The following C3orf33 variants were observed in gnomAD, a reference collection of about 807,000 sequenced individuals.
C3orf33 encodes the protein AP-1 activity suppressor.
C3orf33 carries 23 observed loss-of-function variants against 28.7 expected under a neutral mutation model. The observed-to-expected ratio is 0.80, with a 90% CI of 0.58 to 1.13. The LOEUF (loss-of-function observed/expected upper bound fraction) is 1.13, where lower values mean the gene tolerates loss of function less well. C3orf33 is among the 50% of genes most tolerant of loss of function. C3orf33 has a pLI of 0.00. For synonymous variants in C3orf33, 119 were observed against 120.5 expected (o/e 0.99, Z 0.08); for missense variants, 327 against 353.4 (o/e 0.93, Z 0.60).
Position 155,782,126 on chromosome 3 carries a change from C to T in C3orf33, c.175-6278G>A, listed in dbSNP as rs145576903. Among the ~76,000 whole-genome samples, 1,273 of 149,906 alleles carry T rather than the reference C, an allele frequency of 8.5e-3. 7 individuals are homozygous for T. Among genetic ancestry groups the T allele is most frequent in the Admixed American group, 0.013 (189 of 15,036 alleles). On this transcript the variant is annotated intron_variant, in intron 2 of 4. Coordinates refer to ENST00000340171, the MANE Select transcript of C3orf33 (RefSeq NM_001308229.2). ...CTCAGCAGGCTGAGCCGAGATCATGCCAATGCACTCCAGCCTGGGCGACAA... is the reference window on the plus strand; with the variant it reads ...CTCAGCAGGCTGAGCCGAGATCATGTCAATGCACTCCAGCCTGGGCGACAA...
chr3:155,774,862 C>T (rs1750693473), intron 3 of C3orf33, among the ~76,000 whole-genome samples: 1 of 151,972 alleles, frequency 6.6e-6, no homozygotes, highest in Non-Finnish European at 1.5e-5. Context: ...TCTTTCTCAC[C>T]TATCCTCTTT....
rs1553771429 is a variant in C3orf33, at chr3:155,783,157, A to AC, written c.175-7310_175-7309insG. ...ATAAGGGATACTCAACCCATTCTAC[A>AC]TTTTTTTTTTTTTTTGAGATGGAGT... On this transcript the variant is annotated intron_variant, in intron 2 of 4. Transcript: ENST00000340171. 1.4e-3 allele frequency among the ~76,000 whole-genome samples: 195 copies of AC among 142,466 alleles called. 1 individual carries two copies. Among genetic ancestry groups the AC allele is most frequent in the African/African-American group, 4.9e-3 (189 of 38,822 alleles). 93.5% of individuals were successfully genotyped at this position (142,466 alleles called of 152,430 possible). A position where few individuals can be genotyped will look rare whatever the true frequency, so the allele number is the denominator to read the frequency against.
At position 155,775,764 on chromosome 3, in the gene C3orf33, T is replaced by C; in HGVS notation, c.259A>G (p.Thr87Ala). The C allele has an allele frequency of 6.3e-7, 1 of 1,593,012 alleles. No homozygotes were observed. Among genetic ancestry groups the C allele is most frequent in the Non-Finnish European group, 8.6e-7 (1 of 1,162,206 alleles). Residue 87 changes from threonine to alanine, a missense_variant, in exon 3 of 5, where the codon ACT becomes GCT. Coordinates refer to ENST00000340171, the MANE Select transcript of C3orf33 (RefSeq NM_001308229.2). ...VKLRGRLRRI[T>A]ENGLEIEHIP... ...TGTTCAATTTCTAAACCATTCTCAG[T>C]TATTCGGCGTAATCGTCCACGTAGT...
intron 3 of C3orf33, among the ~76,000 whole-genome samples, chr3:155,769,527 T>C (rs1251925610): frequency 1.3e-5 from 2 of 151,578 alleles, no homozygotes; most frequent in African/African-American, 2.4e-5. Context: ...AAGGTATTTG[T>C]AGAATGATCA....
chr3:155,799,870 T>G (rs1751590002), intron 2 of C3orf33, among the ~76,000 whole-genome samples: 1 of 151,994 alleles, frequency 6.6e-6, no homozygotes, highest in Non-Finnish European at 1.5e-5. Context: ...AATTTAAAAA[T>G]TGAATTCATG....
chr3:155,804,477 T>A (rs752657604), intron 1 of C3orf33, among the ~76,000 whole-genome samples: 5 of 152,200 alleles, frequency 3.3e-5, no homozygotes, highest in Non-Finnish European at 7.3e-5. Flanking sequence ...CAATGATGAG[T>A]GAAAACAGGC....
At chr3:155,797,416 T>C (rs1751506439) in intron 2 of C3orf33, among the ~76,000 whole-genome samples, 1 of 152,066 alleles carries the variant, frequency 6.6e-6, no homozygotes, top group Admixed American at 6.5e-5. Context: ...ATGCCCACTT[T>C]CACCACTGTT....
rs1293732791 is a variant in C3orf33 at position 155,763,457 on chromosome 3, G to T, written c.*60C>A. 1 of 1,257,360 alleles carries T rather than the reference G, an allele frequency of 8.0e-7. No individual in the cohort carries two copies. The highest frequency in any genetic ancestry group is 1.0e-6 in the Non-Finnish European group (1 of 962,238). The allele number at this position is 1,257,360 out of a possible 1,614,324, so 77.9% of individuals were successfully genotyped here. A position where few individuals can be genotyped will look rare whatever the true frequency, so the allele number is the denominator to read the frequency against. On this transcript the variant is annotated 3_prime_UTR_variant, in exon 5 of 5. Coordinates refer to ENST00000340171, the MANE Select transcript of C3orf33 (RefSeq NM_001308229.2). ...CTTCCATTTTGATTCAATGAAAAAC[G>T]TCCATATATTTACATATTTCACTCT...
chr3:155,768,152 T>C (rs1290722999), intron 3 of C3orf33, among the ~76,000 whole-genome samples: 1 of 152,192 alleles, frequency 6.6e-6, no homozygotes, highest in Non-Finnish European at 1.5e-5. Context: ...AGTGCTGGGA[T>C]TACAGGCGTG....
intron 4 of C3orf33, among the ~76,000 whole-genome samples, chr3:155,766,092 G>A (rs573818411): frequency 2.6e-5 from 4 of 152,208 alleles, no homozygotes; most frequent in South Asian, 2.1e-4. Flanking sequence ...ACATTGGTGC[G>A]ATCATAGCTC....
intron 2 of C3orf33, among the ~76,000 whole-genome samples, chr3:155,788,157 C>G (rs1377738701): frequency 1.3e-5 from 2 of 150,628 alleles, no homozygotes; most frequent in Non-Finnish European, 3.0e-5. Flanking sequence ...TGCCACTGCA[C>G]TCCAGCCTGG....
At chr3:155,790,140 GGTGACAGAGT>G (rs2109272119) in intron 2 of C3orf33, among the ~76,000 whole-genome samples, 1 of 130,292 alleles carries the variant, frequency 7.7e-6, no homozygotes, top group African/African-American at 2.9e-5. Context: ...CTCCAGTCTG[GGTGACAGAGT>G]GAAACTCTGT....
chr3:155,786,830 C>CA (rs1328759948), intron 2 of C3orf33, among the ~76,000 whole-genome samples: 1 of 151,756 alleles, frequency 6.6e-6, no homozygotes, highest in Non-Finnish European at 1.5e-5. Context: ...GACTCTGTCT[C>CA]AAAAAAATAA....
In C3orf33 at chr3:155,805,992, G is replaced by C. The variant is rs549550832; in HGVS notation, c.114+147C>G. On this transcript the variant is annotated intron_variant, in intron 1 of 4. Transcript: ENST00000340171. ...GCAGCCCCGCACACACGACACTCGCGATGTCGCCCTCTCGAGCTCATTCCC... is the reference window on the plus strand; with the variant it reads ...GCAGCCCCGCACACACGACACTCGCCATGTCGCCCTCTCGAGCTCATTCCC... 146 of 536,802 alleles carry C rather than the reference G, an allele frequency of 2.7e-4. No homozygotes were observed. In the South Asian group the frequency reaches 5.6e-3, roughly 21 times the overall value. 33.3% of individuals were successfully genotyped at this position (536,802 alleles called of 1,614,324 possible). A position where few individuals can be genotyped will look rare whatever the true frequency, so the allele number is the denominator to read the frequency against.
intron 2 of C3orf33, among the ~76,000 whole-genome samples, chr3:155,789,050 G>A (rs1237067582): frequency 6.6e-6 from 1 of 152,080 alleles, no homozygotes; most frequent in Non-Finnish European, 1.5e-5. Context: ...AGGACATTAT[G>A]AAAGCAATTC....
At chr3:155,789,110 G>A (rs962864325) in intron 2 of C3orf33, among the ~76,000 whole-genome samples, 1 of 152,188 alleles carries the variant, frequency 6.6e-6, no homozygotes, top group Non-Finnish European at 1.5e-5. Context: ...ACTTTGGGAG[G>A]CCAAGGTGGG....
At chr3:155,790,522 AG>A (rs1404903512) in intron 2 of C3orf33, among the ~76,000 whole-genome samples, 2 of 152,186 alleles carry the variant, frequency 1.3e-5, no homozygotes, top group South Asian at 2.1e-4. Context: ...CACCTTCATA[AG>A]AACCAAAAAT....
chr3:155,797,872 A>C (rs1250600952), intron 2 of C3orf33, among the ~76,000 whole-genome samples: 1 of 152,040 alleles, frequency 6.6e-6, no homozygotes, highest in Non-Finnish European at 1.5e-5. Flanking sequence ...GGAGTTCAAG[A>C]CCAGCCTGGC....
intron 4 of C3orf33, 21 bp downstream of exon 4, chr3:155,767,488 T>C: frequency 1.4e-6 from 2 of 1,478,692 alleles, no homozygotes; most frequent in Non-Finnish European, 1.8e-6. Context: ...ATATTGCTAG[T>C]TATTTCTTCA....
Sources: gnomAD v4.1 joint callset for allele counts (sites outside exome capture counted in the v4.1 genomes callset) on GRCh38, gnomAD v4.1.1 for gene constraint, MANE v1.5 for transcripts, NCBI Gene and HGNC (gene_info 2026-07-23, HGNC 2026-07-21) for gene names.